PJA2: variants seen among roughly 807,000 people sequenced by gnomAD.
PJA2 encodes the protein E3 ubiquitin-protein ligase Praja-2.
In PJA2, 25 loss-of-function variants were observed where a neutral mutation model predicts 69.3. That is an observed-to-expected ratio of 0.36 (90% confidence interval 0.26 to 0.50). PJA2 has a LOEUF of 0.50. Among genes scored for constraint, PJA2 ranks in the 20% least tolerant of loss-of-function variants. The pLI, the probability that PJA2 is intolerant of heterozygous loss-of-function variation, is 0.96. For missense variants in PJA2, 809 were observed against 830.2 expected (o/e 0.97, Z 0.31); for synonymous variants, 308 against 277.8 (o/e 1.11, Z -1.08).
Position 109,379,232 on chromosome 5 carries a change from A to T in PJA2, c.255T>A (p.Val85=), listed in dbSNP as rs146730056. The T allele has an allele frequency of 6.2e-7, 1 of 1,611,112 alleles. No individual in the cohort carries two copies. The highest frequency in any genetic ancestry group is 1.3e-5 in the African/African-American group (1 of 74,800). ...TAGGTTCACTGGGTAAAGAAGAATC[A>T]ACTTGATCCAAAGGACTGGAACCTT... is the stretch of plus-strand genomic sequence containing the variant. ...NSSGSSPLDQ[V]DSSLPSEPIF... is the part of the protein sequence containing the mutation. Residue 85 remains valine, a synonymous_variant, in exon 4 of 10, where the codon GTT becomes GTA. Transcript: ENST00000361189.
rs751673916 is a variant in PJA2 at position 109,381,489 on chromosome 5, T to C, written c.232+14A>G. The C allele has an allele frequency of 2.5e-6, 4 of 1,609,078 alleles. No individual in the cohort carries two copies. Among genetic ancestry groups the C allele is most frequent in the Non-Finnish European group, 3.4e-6 (4 of 1,176,898 alleles). On this transcript the variant is annotated intron_variant, in intron 3 of 9. Transcript: ENST00000361189. ...TAACTATTAATAACCTTTAAATAAT[T>C]AAATGTTACACACCTGAGGAATTTT...
chr5:109,406,380 G>A (rs1452661096), intron 1 of PJA2, among the ~76,000 whole-genome samples: 2 of 152,132 alleles, frequency 1.3e-5, no homozygotes, highest in Non-Finnish European at 2.9e-5. Flanking sequence ...AGCAAAAAAT[G>A]TCAACAGATA....
intron 1 of PJA2, among the ~76,000 whole-genome samples, chr5:109,388,475 A>G (rs1051355968): frequency 6.6e-6 from 1 of 152,202 alleles, no homozygotes; most frequent in Non-Finnish European, 1.5e-5. Context: ...ACTGCAGGAC[A>G]ACAAGTTACT....
At chr5:109,401,738 AG>A (rs1287997730) in intron 1 of PJA2, among the ~76,000 whole-genome samples, 1 of 152,250 alleles carries the variant, frequency 6.6e-6, no homozygotes, top group African/African-American at 2.4e-5. Flanking sequence ...GAAATGTGAA[AG>A]GAAGTTCTTC....
At chr5:109,401,276 T>A (rs999651037) in intron 1 of PJA2, among the ~76,000 whole-genome samples, 1 of 152,112 alleles carries the variant, frequency 6.6e-6, no homozygotes, top group Middle Eastern at 3.4e-3. Flanking sequence ...AGAGTGAGAC[T>A]CTGTCTCAAA....
At chr5:109,397,576 T>C (rs1450640542) in intron 1 of PJA2, among the ~76,000 whole-genome samples, 1 of 152,068 alleles carries the variant, frequency 6.6e-6, no homozygotes, top group Non-Finnish European at 1.5e-5. Context: ...TGGAGGGCAG[T>C]GGTGCGATCT....
intron 8 of PJA2, 49 bp from the exon 9 acceptor site, chr5:109,344,360 TAA>T: frequency 6.5e-7 from 1 of 1,548,840 alleles, no homozygotes; most frequent in Non-Finnish European, 8.7e-7. Flanking sequence ...TCAATTTTAG[TAA>T]AACTGAAAAG....
Position 109,409,959 on chromosome 5 carries a change from C to CGGCGGCGGCGGCGGT in PJA2, c.-220_-206dup, listed in dbSNP as rs775916661. 4.4e-5 allele frequency: 9 copies of CGGCGGCGGCGGCGGT among 206,238 alleles called. No individual in the cohort carries two copies. Among genetic ancestry groups the CGGCGGCGGCGGCGGT allele is most frequent in the Admixed American group, 6.2e-5 (1 of 16,028 alleles). The allele number at this position is 206,238 out of a possible 1,614,324, so 12.8% of individuals were successfully genotyped here. A position where few individuals can be genotyped will look rare whatever the true frequency, so the allele number is the denominator to read the frequency against. On this transcript the variant is annotated 5_prime_UTR_variant, in exon 1 of 10. Transcript: ENST00000361189. ...AACGCGAAGCGGCTGGCGGCTGTGG[C>CGGCGGCGGCGGCGGT]GGCGGCGGCGGCGGTGGCGGCGGCG...
chr5:109,409,285 T>TGC (rs1180693777), intron 1 of PJA2: 2 of 152,218 alleles, frequency 1.3e-5, no homozygotes, highest in African/African-American at 4.8e-5. Context: ...GGTGTCTGCG[T>TGC]GCCGAGCCTC....
chr5:109,409,462 T>C (rs1365816543), intron 1 of PJA2: 1 of 153,068 alleles, frequency 6.5e-6, no homozygotes, highest in Non-Finnish European at 1.5e-5. Context: ...CAAACTCTTG[T>C]ACAGTGGCGA....
At chr5:109,377,219 G>T (rs1260911872) in intron 4 of PJA2, among the ~76,000 whole-genome samples, 2 of 151,946 alleles carry the variant, frequency 1.3e-5, no homozygotes, top group Non-Finnish European at 2.9e-5. Context: ...TTTATGACAT[G>T]AATTAAAATG....
At chr5:109,392,018 C>T (rs1561362707) in intron 1 of PJA2, among the ~76,000 whole-genome samples, 1 of 152,112 alleles carries the variant, frequency 6.6e-6, no homozygotes, top group Non-Finnish European at 1.5e-5. Context: ...TTTCAATTCT[C>T]CTTAAATAAT....
At chr5:109,371,006 TG>T (rs1307789179) in intron 4 of PJA2, among the ~76,000 whole-genome samples, 8 of 152,202 alleles carry the variant, frequency 5.3e-5, no homozygotes, top group African/African-American at 1.7e-4. Context: ...TGTTATGGAT[TG>T]GCAAACTACT....
At chr5:109,386,446 G>C (rs116797985) in intron 1 of PJA2, among the ~76,000 whole-genome samples, 1 of 152,120 alleles carries the variant, frequency 6.6e-6, no homozygotes, top group African/African-American at 2.4e-5. Flanking sequence ...AGAAATCATG[G>C]AAATCACCCT....
chr5:109,381,469 A>T, intron 3 of PJA2, 34 bp downstream of exon 3: 1 of 1,568,120 alleles, frequency 6.4e-7, no homozygotes, highest in East Asian at 2.4e-5. Flanking sequence ...CTATATAACT[A>T]TTAATAACCT....
At chr5:109,402,251 TAAACACTTCAATGTAA>T (rs1393721870) in intron 1 of PJA2, among the ~76,000 whole-genome samples, 1 of 152,110 alleles carries the variant, frequency 6.6e-6, no homozygotes, top group African/African-American at 2.4e-5. Context: ...GTAAATAGTC[TAAACACTTCAATGTAA>T]AAACAGATTT....
chr5:109,384,963 T>C (rs116404715), intron 1 of PJA2, among the ~76,000 whole-genome samples: 5,780 of 152,150 alleles, frequency 0.038, 115 homozygotes, highest in Middle Eastern at 0.051. Flanking sequence ...ACTGTAGGCG[T>C]GTGCCACCAT....
chr5:109,363,434 C>T (rs1294576688), intron 5 of PJA2, among the ~76,000 whole-genome samples: 1 of 152,178 alleles, frequency 6.6e-6, no homozygotes, highest in Admixed American at 6.5e-5. Flanking sequence ...CTGCTCAGCC[C>T]ACTTCTCCAA....
intron 3 of PJA2, among the ~76,000 whole-genome samples, chr5:109,380,672 G>A (rs1211313220): frequency 6.6e-6 from 1 of 151,868 alleles, no homozygotes; most frequent in African/African-American, 2.4e-5. Context: ...AGGCGTGGAG[G>A]CGCATGCCTG....
Sources: allele counts gnomAD v4.1 joint callset (sites outside exome capture counted in the v4.1 genomes callset), GRCh38; gene constraint gnomAD v4.1.1; transcripts MANE v1.5; gene names NCBI Gene and HGNC (gene_info 2026-07-23, HGNC 2026-07-21).